LNX1: variants seen among roughly 807,000 people sequenced by gnomAD.
LNX1 encodes E3 ubiquitin-protein ligase LNX.
Under a neutral mutation model 68.4 loss-of-function variants are expected in LNX1, and 54 were observed. That is an observed-to-expected ratio of 0.79 (90% CI 0.63 to 0.99). LNX1 has a LOEUF of 0.99. Ranked by LOEUF, LNX1 falls within the 50% of genes least tolerant of loss-of-function variation. The probability of loss-of-function intolerance (pLI) is 0.00; values close to 1 mark genes in which losing one functional copy is unlikely to be tolerated. For synonymous variants in LNX1, 336 were observed against 350.0 expected (o/e 0.96, Z 0.45); for missense variants, 906 against 926.4 (o/e 0.98, Z 0.29).
chr4:53,469,452 C>A (rs983270887), intron 9 of LNX1, among the ~76,000 whole-genome samples: 47 of 152,130 alleles, frequency 3.1e-4, no homozygotes, highest in African/African-American at 1.1e-3. Flanking sequence ...AGAGCAAACA[C>A]ATTCAAAAGC....
intron 4 of LNX1, among the ~76,000 whole-genome samples, chr4:53,505,179 A>AGC (rs1038488954): frequency 7.9e-5 from 12 of 152,252 alleles, no homozygotes; most frequent in Admixed American, 7.2e-4. Context: ...ATAAAATGAC[A>AGC]GCACCTAGGC....
intron 2 of LNX1, among the ~76,000 whole-genome samples, chr4:53,569,238 C>T (rs1465012006): frequency 6.6e-6 from 1 of 151,838 alleles, no homozygotes; most frequent in African/African-American, 2.4e-5. Context: ...AAGCTGGAGG[C>T]ATCACACTAC....
chr4:53,650,324 C>A (rs1735048746), intron 1 of LNX1, among the ~76,000 whole-genome samples: 1 of 152,226 alleles, frequency 6.6e-6, no homozygotes, highest in African/African-American at 2.4e-5. Context: ...CAGCTCAGGG[C>A]AGCCCAGAAC....
intron 2 of LNX1, among the ~76,000 whole-genome samples, chr4:53,598,489 T>G (rs186004275): frequency 6.8e-4 from 103 of 152,280 alleles, no homozygotes; most frequent in Non-Finnish European, 1.2e-3. Context: ...TGCCTTGGCC[T>G]CCCAAAATGG....
chr4:53,598,372 A>G (rs1299178501), intron 2 of LNX1, among the ~76,000 whole-genome samples: 1 of 151,906 alleles, frequency 6.6e-6, no homozygotes, highest in African/African-American at 2.4e-5. Context: ...ACCTGGGACT[A>G]CAGGCATGCA....
chr4:53,636,504 G>T (rs1491002553), intron 1 of LNX1, among the ~76,000 whole-genome samples: 1 of 152,062 alleles, frequency 6.6e-6, no homozygotes, highest in Non-Finnish European at 1.5e-5. Context: ...GTGACCTTAA[G>T]CAAATCATTT....
chr4:53,599,015 A>G (rs888148131), intron 2 of LNX1, among the ~76,000 whole-genome samples: 2 of 152,234 alleles, frequency 1.3e-5, no homozygotes, highest in African/African-American at 2.4e-5. Context: ...ATGCAGTTAC[A>G]TGAGACAGCA....
chr4:53,557,786 G>T (rs541253807), intron 2 of LNX1: 285 of 1,412,380 alleles, frequency 2.0e-4, no homozygotes, highest in Non-Finnish European at 2.7e-4. Flanking sequence ...AATTTAAAAT[G>T]GATATATCAG....
At chr4:53,541,851 G>T (rs1459385172) in intron 2 of LNX1, among the ~76,000 whole-genome samples, 2 of 152,168 alleles carry the variant, frequency 1.3e-5, no homozygotes, top group Non-Finnish European at 2.9e-5. Flanking sequence ...ACTACTTTCA[G>T]ATAGCTTTGT....
intron 1 of LNX1, among the ~76,000 whole-genome samples, chr4:53,627,512 A>G (rs1191360234): frequency 6.6e-6 from 1 of 152,244 alleles, no homozygotes; most frequent in Non-Finnish European, 1.5e-5. Context: ...AAGTAACTCA[A>G]CCACAGATCA....
chr4:53,520,531 G>A (rs1172795177), intron 2 of LNX1, among the ~76,000 whole-genome samples: 1 of 152,184 alleles, frequency 6.6e-6, no homozygotes. Flanking sequence ...GGGGGAGCAG[G>A]CAATTTCCAT....
intron 1 of LNX1, among the ~76,000 whole-genome samples, chr4:53,637,707 T>C (rs966827101): frequency 8.6e-5 from 13 of 151,852 alleles, no homozygotes; most frequent in African/African-American, 3.1e-4. Context: ...CAACACACCA[T>C]CAATTACATA....
Position 53,507,247 on chromosome 4 carries a change from T to C in LNX1, c.775+70A>G, listed in dbSNP as rs543633091. The C allele has an allele frequency of 3.1e-5, 47 of 1,517,224 alleles. No individual in the cohort carries two copies. In the East Asian group the frequency reaches 9.5e-4, roughly 31 times the overall value. 94.0% of individuals were successfully genotyped at this position (1,517,224 alleles called of 1,614,324 possible). On this transcript the variant is annotated intron_variant, in intron 4 of 10. Coordinates refer to ENST00000263925, the MANE Select transcript of LNX1 (RefSeq NM_001126328.3). Reference sequence around the variant, plus strand: ...TCACAGAAGGTGGAAGGTGATCAGATTGCGTCATCCCTGAAGTCCCCCTGG... The same window carrying C: ...TCACAGAAGGTGGAAGGTGATCAGACTGCGTCATCCCTGAAGTCCCCCTGG...
chr4:53,607,502 G>A (rs1733281565), intron 2 of LNX1, among the ~76,000 whole-genome samples: 2 of 152,170 alleles, frequency 1.3e-5, no homozygotes, highest in South Asian at 2.1e-4. Context: ...TTCATAGATA[G>A]GAAGAATCAA....
At position 53,561,882 on chromosome 4, in the gene LNX1, A is replaced by G. The variant is rs1372511775; in HGVS notation, c.380+11741T>C. Among the ~76,000 whole-genome samples the G allele has an allele frequency of 6.2e-4, 94 of 152,290 alleles. 1 individual carries two copies. On this transcript the variant is annotated intron_variant, in intron 2 of 10. Coordinates refer to ENST00000263925, the MANE Select transcript of LNX1 (RefSeq NM_001126328.3). ...TGCAGCAAACCATCATGACACACAT[A>G]CACCTATGTAACAAACCTGAACGTT... is the stretch of plus-strand genomic sequence containing the variant.
chr4:53,609,916 A>G (rs1300934199), intron 2 of LNX1, among the ~76,000 whole-genome samples: 1 of 151,158 alleles, frequency 6.6e-6, no homozygotes, highest in East Asian at 1.9e-4. Context: ...TACTTTATGA[A>G]TAGTAAATCA....
At chr4:53,629,986 C>T (rs969632189) in intron 1 of LNX1, among the ~76,000 whole-genome samples, 17 of 151,958 alleles carry the variant, frequency 1.1e-4, no homozygotes, top group African/African-American at 4.1e-4. Context: ...TGTACCTATA[C>T]TAATATTTTC....
rs575174680 is a variant in LNX1, at chr4:53,530,775, T to A, written c.381-22548A>T. On this transcript the variant is annotated intron_variant, in intron 2 of 10. Transcript: ENST00000263925. ...AAGACTATGCAGCCAGTTAAAACTA[T>A]AATTTTTGTTTAAGTATTTCAGGGT... Among the ~76,000 whole-genome samples, 12 of 152,334 alleles carry A rather than the reference T, an allele frequency of 7.9e-5. No homozygotes were observed. In the South Asian group the frequency reaches 2.5e-3, roughly 32 times the overall value.
intron 2 of LNX1, among the ~76,000 whole-genome samples, chr4:53,521,065 G>A (rs1727180237): frequency 6.6e-6 from 1 of 152,192 alleles, no homozygotes; most frequent in Non-Finnish European, 1.5e-5. Flanking sequence ...TGGATCAACG[G>A]TGCTTTCTAT....
Sources: allele counts gnomAD v4.1 joint callset (sites outside exome capture counted in the v4.1 genomes callset), GRCh38; gene constraint gnomAD v4.1.1; transcripts MANE v1.5; gene names NCBI Gene and HGNC (gene_info 2026-07-23, HGNC 2026-07-21).